The following SUGCT variants were observed in gnomAD, a reference collection of about 807,000 sequenced individuals.
The protein encoded by SUGCT is succinyl-CoA:glutarate-CoA transferase.
Under a neutral mutation model 55.0 loss-of-function variants are expected in SUGCT, and 41 were observed. The ratio of observed to expected loss-of-function variants is 0.74; its 90% CI spans 0.58 to 0.97. The LOEUF (loss-of-function observed/expected upper bound fraction) is 0.97, where lower values mean the gene tolerates loss of function less well. Ranked by LOEUF, SUGCT falls within the 50% of genes least tolerant of loss-of-function variation. The pLI is 0.00. For synonymous variants in SUGCT, 187 were observed against 200.4 expected (o/e 0.93, Z 0.56); for missense variants, 568 against 547.8 (o/e 1.04, Z -0.37).
the SUGCT span, among the ~76,000 whole-genome samples, chr7:41,028,199 G>T: frequency 0.013 from 1,922 of 152,342 alleles, 40 homozygotes; most frequent in African/African-American, 0.044. Flanking sequence ...TACAGCAGCA[G>T]ACCTAGAAGC....
At chr7:40,370,558 G>A (rs775238619) in intron 9 of SUGCT, among the ~76,000 whole-genome samples, 4 of 150,570 alleles carry the variant, frequency 2.7e-5, no homozygotes, top group Non-Finnish European at 5.9e-5. Flanking sequence ...GATTTGGAGG[G>A]CAAAGGAGAG....
At chr7:40,680,370 A>C (rs1784181081) in intron 12 of SUGCT, among the ~76,000 whole-genome samples, 1 of 152,196 alleles carries the variant, frequency 6.6e-6, no homozygotes, top group African/African-American at 2.4e-5. Context: ...GCATCTGAGA[A>C]TCTCTCTTTG....
intron 12 of SUGCT, among the ~76,000 whole-genome samples, chr7:40,705,477 T>A (rs915760897): frequency 6.6e-6 from 1 of 152,058 alleles, no homozygotes; most frequent in East Asian, 1.9e-4. Context: ...GCAGTGATTC[T>A]ATTTTCTAAT....
Position 40,421,778 on chromosome 7 carries a change from C to T in SUGCT, c.817-27509C>T, listed in dbSNP as rs140886176. On this transcript the variant is annotated intron_variant, in intron 9 of 13. Transcript: ENST00000335693. ...AAATGCTTCCTTGAGAAGTCTCCAG[C>T]GCTGATACTTGTAATCACTCTTAGG... Among the ~76,000 whole-genome samples the T allele has an allele frequency of 5.8e-4, 89 of 152,246 alleles. 1 individual carries two copies. In the East Asian group the frequency reaches 0.014, roughly 23 times the overall value.
At chr7:40,999,267 G>A in the SUGCT span, among the ~76,000 whole-genome samples, 1 of 151,332 alleles carries the variant, frequency 6.6e-6, no homozygotes, top group Non-Finnish European at 1.5e-5. Flanking sequence ...CCTGAAGCAA[G>A]ACCAACCATC....
At chr7:40,769,380 T>G (rs1788972078) in intron 13 of SUGCT, among the ~76,000 whole-genome samples, 1 of 152,224 alleles carries the variant, frequency 6.6e-6, no homozygotes, top group Non-Finnish European at 1.5e-5. Context: ...AACTTGTGAA[T>G]GCTATCATAT....
chr7:40,726,233 CA>C (rs1786605272), intron 12 of SUGCT, among the ~76,000 whole-genome samples: 1 of 151,974 alleles, frequency 6.6e-6, no homozygotes, highest in Admixed American at 6.6e-5. Flanking sequence ...TTACCAATAA[CA>C]AACAATCACT....
chr7:40,174,189 A>AT (rs1462090076), intron 1 of SUGCT, among the ~76,000 whole-genome samples: 2 of 151,888 alleles, frequency 1.3e-5, no homozygotes, highest in African/African-American at 4.8e-5. Context: ...TGCCTGGCTA[A>AT]TTTTTGTATT....
At chr7:40,360,308 C>G (rs1262635209) in intron 9 of SUGCT, among the ~76,000 whole-genome samples, 1 of 152,186 alleles carries the variant, frequency 6.6e-6, no homozygotes, top group East Asian at 1.9e-4. Flanking sequence ...GCCACTGCAC[C>G]CAGCCTAAGA....
the SUGCT span, among the ~76,000 whole-genome samples, chr7:40,897,176 C>G: frequency 1.1e-4 from 16 of 152,138 alleles, no homozygotes; most frequent in Middle Eastern, 3.4e-3. Context: ...GAAACTGAAC[C>G]CTTATCCCAC....
At chr7:41,008,466 C>CT in the SUGCT span, among the ~76,000 whole-genome samples, 2 of 152,156 alleles carry the variant, frequency 1.3e-5, no homozygotes, top group Admixed American at 6.5e-5. Context: ...CAGAAGAAAA[C>CT]TAGGTGGGTT....
chr7:40,175,728 C>T (rs558346520), intron 1 of SUGCT, among the ~76,000 whole-genome samples: 1 of 151,874 alleles, frequency 6.6e-6, no homozygotes, highest in South Asian at 2.1e-4. Context: ...AGATCACCAA[C>T]AAAAAGCACA....
At chr7:40,337,171 A>G (rs190278123) in intron 9 of SUGCT, among the ~76,000 whole-genome samples, 120 of 152,286 alleles carry the variant, frequency 7.9e-4, no homozygotes, top group African/African-American at 2.8e-3. Context: ...ACTTCTGACT[A>G]TGTGGTCAAT....
chr7:40,984,944 C>T, the SUGCT span, among the ~76,000 whole-genome samples: 1 of 152,176 alleles, frequency 6.6e-6, no homozygotes, highest in South Asian at 2.1e-4. Flanking sequence ...TGGTGATATG[C>T]TAATCAACCT....
At chr7:40,458,042 A>G (rs916017134) in intron 10 of SUGCT, among the ~76,000 whole-genome samples, 1 of 152,214 alleles carries the variant, frequency 6.6e-6, no homozygotes, top group Admixed American at 6.5e-5. Flanking sequence ...AATAAGTGAA[A>G]CATGTGAAAG....
chr7:40,854,413 T>TTC (rs1251165508), intron 13 of SUGCT, among the ~76,000 whole-genome samples: 80 of 78,120 alleles, frequency 1.0e-3, no homozygotes, highest in African/African-American at 3.1e-3. Flanking sequence ...CTTTCTTTCT[T>TTC]TCTTTCCTTT....
intron 13 of SUGCT, among the ~76,000 whole-genome samples, chr7:40,769,713 C>A (rs189086138): frequency 9.1e-4 from 138 of 152,320 alleles, no homozygotes; most frequent in Middle Eastern, 6.8e-3. Flanking sequence ...AACTTCTGAC[C>A]TCCAGAGCTC....
At chr7:40,135,246 C>A in intron 1 of SUGCT, 126 bp downstream of exon 1, 1 of 1,204,014 alleles carries the variant, frequency 8.3e-7, no homozygotes, top group Non-Finnish European at 1.1e-6. Context: ...GCTTTGCTCG[C>A]CTCCCTGCAA....
intron 12 of SUGCT, among the ~76,000 whole-genome samples, chr7:40,737,997 C>G (rs1463974360): frequency 6.6e-6 from 1 of 151,504 alleles, no homozygotes; most frequent in East Asian, 1.9e-4. Context: ...GTCAGGAGAT[C>G]AAGACCATCC....
Sources: allele counts gnomAD v4.1 joint callset (sites outside exome capture counted in the v4.1 genomes callset), GRCh38; gene constraint gnomAD v4.1.1; transcripts MANE v1.5; gene names NCBI Gene and HGNC (gene_info 2026-07-23, HGNC 2026-07-21).